LNX1: variants seen among roughly 807,000 people sequenced by gnomAD.
The protein encoded by LNX1 is ligand of numb-protein X 1, also known as E3 ubiquitin-protein ligase LNX.
A neutral mutation model predicts 68.4 loss-of-function variants in LNX1; 54 were observed. That is an observed-to-expected ratio of 0.79 (90% CI 0.63 to 0.99). The LOEUF (loss-of-function observed/expected upper bound fraction) is 0.99, where lower values mean the gene tolerates loss of function less well. Ranked by LOEUF, LNX1 falls within the 50% of genes least tolerant of loss-of-function variation. The probability of loss-of-function intolerance (pLI) is 0.00; values close to 1 mark genes in which losing one functional copy is unlikely to be tolerated. For synonymous variants in LNX1, 336 were observed against 350.0 expected, an observed-to-expected ratio of 0.96 and a Z score of 0.45; for missense variants, 906 against 926.4, an observed-to-expected ratio of 0.98 and a Z score of 0.29.
intron 2 of LNX1, among the ~76,000 whole-genome samples, chr4:53,552,741 A>G (rs1190934504): frequency 2.0e-5 from 3 of 148,228 alleles, no homozygotes; most frequent in Non-Finnish European, 4.4e-5. Context: ...AGACAGGAGA[A>G]TTGCTTGAAC....
intron 2 of LNX1, among the ~76,000 whole-genome samples, chr4:53,612,618 A>G (rs67041466): frequency 0.41 from 62,579 of 151,856 alleles, 12,904 homozygotes; most frequent in Admixed American, 0.45. Context: ...CTAGGAGTTC[A>G]AAACTGGCCT....
At chr4:53,594,692 A>T (rs1315447360), upstream of LNX1, among the ~76,000 whole-genome samples, 3 of 151,476 alleles carry the variant, frequency 2.0e-5, no homozygotes, top group African/African-American at 7.3e-5. Flanking sequence ...TTACTTTCTT[A>T]CTTTCTTTTC....
chr4:53,600,301 T>C (rs1489413869), intron 2 of LNX1, among the ~76,000 whole-genome samples: 1 of 151,998 alleles, frequency 6.6e-6, no homozygotes. Flanking sequence ...CGAGGACACA[T>C]GCACACAAAA....
At chr4:53,649,297 G>C (rs1466306772) in intron 1 of LNX1, among the ~76,000 whole-genome samples, 1 of 152,056 alleles carries the variant, frequency 6.6e-6, no homozygotes, top group Non-Finnish European at 1.5e-5. Context: ...ATGCATTTTT[G>C]TGTACACTAT....
chr4:53,565,301 G>A (rs1195027544), intron 2 of LNX1, among the ~76,000 whole-genome samples: 1 of 152,070 alleles, frequency 6.6e-6, no homozygotes, highest in African/African-American at 2.4e-5. Flanking sequence ...CTGGAGATCT[G>A]AGAATGGGCA....
At chr4:53,468,618 T>C (rs1382401023) in intron 9 of LNX1, among the ~76,000 whole-genome samples, 1 of 152,024 alleles carries the variant, frequency 6.6e-6, no homozygotes, top group Non-Finnish European at 1.5e-5. Context: ...GAGACACACA[T>C]AGGCTCAAAT....
chr4:53,563,240 G>C (rs183523606), intron 2 of LNX1, among the ~76,000 whole-genome samples: 1 of 152,216 alleles, frequency 6.6e-6, no homozygotes, highest in Admixed American at 6.5e-5. Flanking sequence ...ATTTTATTTA[G>C]ATGCATATTT....
intron 8 of LNX1, among the ~76,000 whole-genome samples, chr4:53,478,303 C>T (rs1723695010): frequency 6.6e-6 from 1 of 152,124 alleles, no homozygotes; most frequent in Admixed American, 6.5e-5. Context: ...GTAACTTGCT[C>T]ATAACTGTAG....
At chr4:53,506,736 A>C (rs1725898852) in intron 4 of LNX1, among the ~76,000 whole-genome samples, 1 of 151,662 alleles carries the variant, frequency 6.6e-6, no homozygotes, top group Non-Finnish European at 1.5e-5. Context: ...GGTGCCTGTA[A>C]TCCCACCTAC....
chr4:53,507,571 T>C (rs1725987521), intron 3 of LNX1, 102 bp from the exon 4 acceptor site: 14 of 1,261,108 alleles, frequency 1.1e-5, no homozygotes, highest in Non-Finnish European at 1.6e-5. Context: ...TAACAGTGAC[T>C]ACCTCTGGGT....
upstream of LNX1, chr4:53,591,759 C>T (rs1732517812): frequency 5.6e-6 from 1 of 179,174 alleles, no homozygotes; most frequent in Admixed American, 6.5e-5. Context: ...CGTGTCCAGC[C>T]CCGTGTTCAG....
intron 2 of LNX1, among the ~76,000 whole-genome samples, chr4:53,606,751 A>G (rs1733252632): frequency 2.6e-5 from 4 of 152,204 alleles, no homozygotes; most frequent in African/African-American, 9.6e-5. Context: ...CAAAAAGCTT[A>G]TCTACCATGA....
chr4:53,560,984 C>T (rs1303824589), intron 2 of LNX1, among the ~76,000 whole-genome samples: 1 of 152,202 alleles, frequency 6.6e-6, no homozygotes, highest in Admixed American at 6.5e-5. Context: ...CTATTCTTTG[C>T]CTGGCTGTCC....
chr4:53,565,599 C>T (rs1416167851), intron 2 of LNX1, among the ~76,000 whole-genome samples: 1 of 152,196 alleles, frequency 6.6e-6, no homozygotes, highest in Non-Finnish European at 1.5e-5. Context: ...GCCTCTCCTC[C>T]TCCAAAGGAA....
At chr4:53,549,675 CA>C (rs1429405840) in intron 2 of LNX1, 1 of 151,962 alleles carries the variant, frequency 6.6e-6, no homozygotes, top group Admixed American at 6.6e-5. Flanking sequence ...AGATGTGCTT[CA>C]AAAACAGTTA....
intron 1 of LNX1, among the ~76,000 whole-genome samples, chr4:53,649,835 G>A (rs1735025044): frequency 6.6e-6 from 1 of 152,176 alleles, no homozygotes; most frequent in Non-Finnish European, 1.5e-5. Flanking sequence ...ACAGTGGACT[G>A]GGAGTTCCTT....
chr4:53,586,026 G>A (rs1432149427), intron 1 of LNX1, among the ~76,000 whole-genome samples: 1 of 151,956 alleles, frequency 6.6e-6, no homozygotes, highest in Non-Finnish European at 1.5e-5. Flanking sequence ...TACATATTTA[G>A]CAACTCTACC....
chr4:53,642,552 C>T (rs1454234217), intron 1 of LNX1, among the ~76,000 whole-genome samples: 1 of 152,128 alleles, frequency 6.6e-6, no homozygotes, highest in Non-Finnish European at 1.5e-5. Flanking sequence ...TCATATGTGG[C>T]ACGGTTATTC....
intron 2 of LNX1, 95 bp downstream of exon 2, chr4:53,573,528 T>C: frequency 1.3e-6 from 1 of 746,354 alleles, no homozygotes; most frequent in Non-Finnish European, 2.2e-6. Flanking sequence ...ATGGATCATT[T>C]CATTGGTTGG....
Sources: gnomAD v4.1 joint callset for allele counts (sites outside exome capture counted in the v4.1 genomes callset) on GRCh38, gnomAD v4.1.1 for gene constraint, MANE v1.5 for transcripts, NCBI Gene and HGNC (gene_info 2026-07-23, HGNC 2026-07-21) for gene names.